The following AMBRA1 variants were observed in gnomAD, a reference collection of about 807,000 sequenced individuals.
The protein encoded by AMBRA1 is activating molecule in BECN1-regulated autophagy protein 1.
Under a neutral mutation model 125.4 loss-of-function variants are expected in AMBRA1, and 47 were observed. That is an observed-to-expected ratio of 0.37 (90% CI 0.30 to 0.48). The LOEUF (loss-of-function observed/expected upper bound fraction) is 0.48, where lower values mean the gene tolerates loss of function less well. Ranked by LOEUF, AMBRA1 falls within the 20% of genes least tolerant of loss-of-function variation. The pLI is 0.99. For missense variants in AMBRA1, 1,331 were observed against 1,693.4 expected (o/e 0.79, Z 3.76); for synonymous variants, 626 against 655.5 (o/e 0.95, Z 0.69).
At chr11:46,544,687 C>T (rs1287908807) in intron 5 of AMBRA1, among the ~76,000 whole-genome samples, 1 of 152,168 alleles carries the variant, frequency 6.6e-6, no homozygotes, top group Non-Finnish European at 1.5e-5. Flanking sequence ...CAAAGAAGTA[C>T]TATCCAAAAC....
At chr11:46,429,284 T>C (rs1947334745) in intron 14 of AMBRA1, 1 of 772,094 alleles carries the variant, frequency 1.3e-6, no homozygotes, top group South Asian at 1.7e-5. Context: ...GTGTGGGGAG[T>C]GGGAGAGAGG....
chr11:46,410,185 G>T, intron 16 of AMBRA1, 91 bp downstream of exon 16: 1 of 1,180,688 alleles, frequency 8.5e-7, no homozygotes, highest in Non-Finnish European at 1.3e-6. Flanking sequence ...GGGACCCAGA[G>T]CCCTAGAGGG....
intron 11 of AMBRA1, among the ~76,000 whole-genome samples, chr11:46,487,125 T>G (rs1004797376): frequency 7.3e-5 from 11 of 150,950 alleles, no homozygotes. Flanking sequence ...GGACATGGTG[T>G]TGTGTGCCTA....
intron 17 of AMBRA1, among the ~76,000 whole-genome samples, chr11:46,403,574 G>A (rs1757955181): frequency 6.6e-6 from 1 of 152,224 alleles, no homozygotes; most frequent in Admixed American, 6.5e-5. Context: ...AGCCAACGGT[G>A]AGCCCAGGAA....
At chr11:46,402,763 C>T (rs994897581) in intron 17 of AMBRA1, among the ~76,000 whole-genome samples, 1 of 152,120 alleles carries the variant, frequency 6.6e-6, no homozygotes, top group Non-Finnish European at 1.5e-5. Flanking sequence ...ATTCATGGTG[C>T]CGAACACAAT....
intron 6 of AMBRA1, 143 bp downstream of exon 6, chr11:46,543,832 C>T (rs1952869671): frequency 4.2e-6 from 3 of 716,330 alleles, no homozygotes; most frequent in African/African-American, 3.5e-5. Context: ...CCTGAATATA[C>T]AGTCTGAAGC....
intron 7 of AMBRA1, among the ~76,000 whole-genome samples, chr11:46,540,914 T>C (rs911671728): frequency 6.6e-6 from 1 of 152,224 alleles, no homozygotes; most frequent in Non-Finnish European, 1.5e-5. Context: ...TTTGTAACCA[T>C]TCAACTAATA....
intron 14 of AMBRA1, among the ~76,000 whole-genome samples, chr11:46,431,376 C>A (rs1431628257): frequency 6.6e-6 from 1 of 152,230 alleles, no homozygotes; most frequent in African/African-American, 2.4e-5. Context: ...GGCAGGACAG[C>A]CAGGGGCTGA....
intron 11 of AMBRA1, among the ~76,000 whole-genome samples, chr11:46,460,211 T>C (rs1194420998): frequency 1.3e-5 from 2 of 152,208 alleles, no homozygotes; most frequent in Non-Finnish European, 2.9e-5. Context: ...TAGAATACTA[T>C]GTAACAACAG....
At chr11:46,482,045 G>A (rs1950091474) in intron 11 of AMBRA1, among the ~76,000 whole-genome samples, 1 of 152,214 alleles carries the variant, frequency 6.6e-6, no homozygotes, top group Non-Finnish European at 1.5e-5. Flanking sequence ...TTCGAAGTCA[G>A]GTAATGTGAT....
At chr11:46,541,622 C>G (rs1362947715) in intron 7 of AMBRA1, among the ~76,000 whole-genome samples, 1 of 152,202 alleles carries the variant, frequency 6.6e-6, no homozygotes, top group African/African-American at 2.4e-5. Context: ...AATGTCTCGA[C>G]AAGGTCAAAA....
intron 14 of AMBRA1, among the ~76,000 whole-genome samples, chr11:46,427,748 C>T (rs1947220272): frequency 6.6e-6 from 1 of 152,164 alleles, no homozygotes; most frequent in African/African-American, 2.4e-5. Flanking sequence ...CTGGCTCATG[C>T]CTGTAATCCC....
At chr11:46,413,963 G>T (rs571081481) in intron 15 of AMBRA1, among the ~76,000 whole-genome samples, 11 of 152,262 alleles carry the variant, frequency 7.2e-5, no homozygotes, top group African/African-American at 2.6e-4. Context: ...AGGCTAGGAG[G>T]TCCAATCAGG....
At chr11:46,582,039 T>G (rs1168325724) in intron 1 of AMBRA1, among the ~76,000 whole-genome samples, 1 of 146,450 alleles carries the variant, frequency 6.8e-6, no homozygotes, top group Admixed American at 7.1e-5. Flanking sequence ...TCCTTGAGCC[T>G]AGAAGGTCAA....
At chr11:46,584,603 A>T (rs939471475) in intron 1 of AMBRA1, among the ~76,000 whole-genome samples, 1 of 151,854 alleles carries the variant, frequency 6.6e-6, no homozygotes, top group Non-Finnish European at 1.5e-5. Context: ...CACTAGAAAG[A>T]ATTTTTTTTT....
chr11:46,401,611 C>T (rs1379909974), intron 17 of AMBRA1, among the ~76,000 whole-genome samples: 1 of 152,214 alleles, frequency 6.6e-6, no homozygotes, highest in East Asian at 1.9e-4. Flanking sequence ...GCCAAGCCCC[C>T]AGAGAGCCCC....
chr11:46,477,741 A>G (rs918565218), intron 11 of AMBRA1, among the ~76,000 whole-genome samples: 1 of 151,970 alleles, frequency 6.6e-6, no homozygotes, highest in African/African-American at 2.4e-5. Context: ...CCCATCAGCG[A>G]CTGAGGTGGT....
intron 7 of AMBRA1, among the ~76,000 whole-genome samples, chr11:46,521,764 C>T (rs1386126250): frequency 2.0e-5 from 3 of 152,216 alleles, no homozygotes; most frequent in Admixed American, 6.5e-5. Context: ...GCATGTGATG[C>T]AGTTGCCAGC....
chr11:46,548,730 C>G (rs181142357), intron 1 of AMBRA1, among the ~76,000 whole-genome samples: 1 of 152,312 alleles, frequency 6.6e-6, no homozygotes, highest in Admixed American at 6.5e-5. Context: ...CAGTGGCTCA[C>G]GCCTGTAATC....
Sources: allele counts gnomAD v4.1 joint callset (sites outside exome capture counted in the v4.1 genomes callset), GRCh38; gene constraint gnomAD v4.1.1; transcripts MANE v1.5; gene names NCBI Gene and HGNC (gene_info 2026-07-23, HGNC 2026-07-21).